Variants in TMCO6 observed in about 807,000 individuals in gnomAD.
TMCO6 encodes the protein transmembrane and coiled-coil domains 6.
Under a neutral mutation model 61.8 loss-of-function variants are expected in TMCO6, and 47 were observed. That is an observed-to-expected ratio of 0.76 (90% CI 0.60 to 0.97). TMCO6 has a LOEUF of 0.97. Among genes scored for constraint, TMCO6 ranks in the 50% least tolerant of loss-of-function variants. The pLI is 0.00. For missense variants in TMCO6, 557 were observed against 601.6 expected (o/e 0.93, Z 0.78); for synonymous variants, 261 against 254.2 (o/e 1.03, Z -0.25).
At chr5:140,629,304 TA>T in the TMCO6 span, among the ~76,000 whole-genome samples, 6 of 148,812 alleles carry the variant, frequency 4.0e-5, no homozygotes, top group South Asian at 2.1e-4. Context: ...CCCAAAAAAC[TA>T]AAAAAAATAA....
At position 140,641,901 on chromosome 5, in the gene TMCO6, C is replaced by T. The variant is rs1406840438; in HGVS notation, c.346C>T (p.Leu116Phe). The change falls in exon 4 of 12, where the codon CTC becomes TTC. Residue 116 changes from leucine (L) to phenylalanine (F), a missense_variant. By Grantham distance (22) the Leu-to-Phe change is conservative. Transcript: ENST00000394671. ...LEGSMRTLVGLLTSNQALLQL... is the reference protein window; with the variant it reads ...LEGSMRTLVGFLTSNQALLQL... ...GGGCAGCATGCGGACCCTGGTCGGG[C>T]TCCTGACCAGCAACCAGGCCCTGCT... is the stretch of plus-strand genomic sequence containing the variant. 14 of 1,613,170 alleles carry T rather than the reference C, an allele frequency of 8.7e-6. No homozygotes were observed. The highest frequency in any genetic ancestry group is 1.1e-5 in the Non-Finnish European group (13 of 1,179,304).
At chr5:140,638,303 A>G (rs1314443401), upstream of TMCO6, among the ~76,000 whole-genome samples, 1 of 152,174 alleles carries the variant, frequency 6.6e-6, no homozygotes, top group African/African-American at 2.4e-5. Context: ...GTGGAGAGGA[A>G]AGGGGAAGGG....
At chr5:140,628,133 G>A in the TMCO6 span, among the ~76,000 whole-genome samples, 37,969 of 148,710 alleles carry the variant, frequency 0.26, 5,013 homozygotes, top group Non-Finnish European at 0.28. Context: ...CTCAGCCTCT[G>A]GAGTAGCTGG....
the TMCO6 span, among the ~76,000 whole-genome samples, chr5:140,601,269 A>G: frequency 7.9e-5 from 12 of 152,264 alleles, no homozygotes; most frequent in East Asian, 2.1e-3. Context: ...ACTGATGTGC[A>G]TAAGGCCTTG....
the TMCO6 span, among the ~76,000 whole-genome samples, chr5:140,604,520 G>T: frequency 1.3e-5 from 2 of 149,230 alleles, no homozygotes; most frequent in Non-Finnish European, 3.0e-5. Flanking sequence ...CTATTCAAAG[G>T]CTGTCTTTTC....
chr5:140,612,529 C>T, the TMCO6 span, among the ~76,000 whole-genome samples: 1 of 152,038 alleles, frequency 6.6e-6, no homozygotes, highest in Non-Finnish European at 1.5e-5. Context: ...TTAGTAGAGA[C>T]GGGGTTTCAC....
chr5:140,644,329 G>A (rs533272563), intron 10 of TMCO6, 135 bp downstream of exon 10: 1 of 1,032,856 alleles, frequency 9.7e-7, no homozygotes, highest in Admixed American at 1.9e-5. Context: ...ACCAATCTAG[G>A]TGTGTGTCCC....
At chr5:140,632,610 T>C in the TMCO6 span, 2 of 1,613,748 alleles carry the variant, frequency 1.2e-6, no homozygotes, top group Non-Finnish European at 1.7e-6. The surrounding 1 kb of genome is among the most constrained non-coding windows in gnomAD (Gnocchi z 6.2). Context: ...TATCTTTAGG[T>C]CCTCGAGCGT....
chr5:140,644,250 C>T (rs1561957009), intron 10 of TMCO6, 56 bp downstream of exon 10: 2 of 1,557,938 alleles, frequency 1.3e-6, no homozygotes, highest in African/African-American at 2.7e-5. Flanking sequence ...TATGGGACAG[C>T]AGTCCTGAGC....
chr5:140,600,468 TG>T, the TMCO6 span, among the ~76,000 whole-genome samples: 1 of 151,180 alleles, frequency 6.6e-6, no homozygotes. Flanking sequence ...GAATTTGTTT[TG>T]TTTTTTTTTT....
chr5:140,640,352 T>C (rs947017520), intron 2 of TMCO6, among the ~76,000 whole-genome samples: 2 of 152,156 alleles, frequency 1.3e-5, no homozygotes, highest in Non-Finnish European at 2.9e-5. Context: ...TGGCATTCGC[T>C]ACGTCTAACG....
downstream of TMCO6, chr5:140,645,719 C>A (rs1316670723): frequency 6.8e-6 from 11 of 1,613,984 alleles, no homozygotes; most frequent in Non-Finnish European, 9.3e-6. Flanking sequence ...ATTCTGCACC[C>A]TGGAGGCTAC....
chr5:140,633,379 G>A, the TMCO6 span: 1 of 526,532 alleles, frequency 1.9e-6, no homozygotes, highest in African/African-American at 1.9e-5. Context: ...TGTGTCTCCT[G>A]GCAGTGTCCT....
the TMCO6 span, among the ~76,000 whole-genome samples, chr5:140,626,167 C>T: frequency 6.6e-6 from 1 of 152,094 alleles, no homozygotes; most frequent in Non-Finnish European, 1.5e-5. Flanking sequence ...AGCTCTAGCC[C>T]CTATGGCTAA....
downstream of TMCO6, chr5:140,647,418 C>A (rs1160454115): frequency 6.2e-7 from 1 of 1,610,918 alleles, no homozygotes. Context: ...CCCTCAACTT[C>A]AGGGAGGTCG....
At chr5:140,615,857 G>T in the TMCO6 span, among the ~76,000 whole-genome samples, 25 of 152,326 alleles carry the variant, frequency 1.6e-4, no homozygotes, top group African/African-American at 5.5e-4. Context: ...ATAAGGCTAG[G>T]TGCAGTGGCT....
chr5:140,645,777 AG>A, downstream of TMCO6: 2 of 1,565,256 alleles, frequency 1.3e-6, no homozygotes, highest in South Asian at 2.3e-5. Flanking sequence ...TTGTTAAGAC[AG>A]GAAGAGTATT....
upstream of TMCO6, among the ~76,000 whole-genome samples, chr5:140,635,080 C>G (rs551623597): frequency 3.9e-5 from 6 of 152,352 alleles, 1 homozygote; most frequent in South Asian, 1.2e-3. Flanking sequence ...CCGTGCCCGG[C>G]AGAAAGTCTT....
Position 140,644,725 on chromosome 5 carries a change from C to T in TMCO6, c.1353C>T (p.Phe451=). ...GQSLELLHLL[F]LYQPEAVQVF... ...GTTTGGAGCTGCTGCATCTGCTGTTCCTGTATCAGCCAGAGGTATAGGTTT... is the reference window on the plus strand; with the variant it reads ...GTTTGGAGCTGCTGCATCTGCTGTTTCTGTATCAGCCAGAGGTATAGGTTT... Residue 451 remains phenylalanine (F), a synonymous_variant, in exon 11 of 12, where the codon TTC becomes TTT. Transcript: ENST00000394671. The T allele has an allele frequency of 1.2e-6, 2 of 1,614,232 alleles. No homozygotes were observed. The highest frequency in any genetic ancestry group is 1.7e-6 in the Non-Finnish European group (2 of 1,180,034).
Sources: gnomAD v4.1 joint callset for allele counts (sites outside exome capture counted in the v4.1 genomes callset) on GRCh38, gnomAD v4.1.1 for gene constraint, Gnocchi (gnomAD v3.1) non-coding constraint, MANE v1.5 for transcripts, NCBI Gene and HGNC (gene_info 2026-07-23, HGNC 2026-07-21) for gene names.